PLXDC2: variants seen among roughly 807,000 people sequenced by gnomAD.
PLXDC2 encodes plexin domain-containing protein 2.
PLXDC2 carries 40 observed loss-of-function variants against 68.9 expected under a neutral mutation model. The ratio of observed to expected loss-of-function variants is 0.58; its 90% CI spans 0.45 to 0.76. The LOEUF (loss-of-function observed/expected upper bound fraction) is 0.76. Among genes scored for constraint, PLXDC2 ranks in the 30% least tolerant of loss-of-function variants. The pLI is 0.00. For synonymous variants in PLXDC2, 243 were observed against 234.2 expected, an observed-to-expected ratio of 1.04 and a Z score of -0.34; for missense variants, 644 against 661.9, an observed-to-expected ratio of 0.97 and a Z score of 0.30.
rs146298431 is a variant in PLXDC2 at position 20,227,819 on chromosome 10, C to A, written c.1312+8717C>A. Among the ~76,000 whole-genome samples, 1,070 of 152,054 alleles carry A rather than the reference C, an allele frequency of 7.0e-3. 3 individuals carry two copies. Among genetic ancestry groups the A allele is most frequent in the Non-Finnish European group, 0.011 (724 of 67,990 alleles). On this transcript the variant is annotated intron_variant, in intron 12 of 13. Coordinates refer to ENST00000377252, the MANE Select transcript of PLXDC2 (RefSeq NM_032812.9). ...GAGTAAGACTGAGAGGCCAGAAAAT[C>A]TAGTTAGGAGGTTATACTAGTAATC...
intron 1 of PLXDC2, among the ~76,000 whole-genome samples, chr10:19,952,910 C>T (rs1218393830): frequency 6.6e-6 from 1 of 151,198 alleles, no homozygotes; most frequent in East Asian, 1.9e-4. Context: ...TTTTTTTCTT[C>T]TTTTTTTTTG....
intron 2 of PLXDC2, among the ~76,000 whole-genome samples, chr10:20,014,013 T>C (rs4587636): frequency 0.11 from 16,196 of 152,236 alleles, 1,062 homozygotes; most frequent in Admixed American, 0.17. Flanking sequence ...TTTCTCATGT[T>C]ACCAATTGTA....
At chr10:19,822,899 G>A (rs1836496849) in intron 1 of PLXDC2, among the ~76,000 whole-genome samples, 1 of 151,802 alleles carries the variant, frequency 6.6e-6, no homozygotes, top group Admixed American at 6.6e-5. Context: ...TATACTGCTA[G>A]TTTCTTTCTG....
chr10:20,070,533 G>A (rs534568905), intron 4 of PLXDC2, among the ~76,000 whole-genome samples: 1 of 152,202 alleles, frequency 6.6e-6, no homozygotes, highest in Admixed American at 6.5e-5. Context: ...GATATATCCA[G>A]TATAGTGCCA....
chr10:20,054,473 G>A (rs1835960175), intron 3 of PLXDC2, among the ~76,000 whole-genome samples: 1 of 151,944 alleles, frequency 6.6e-6, no homozygotes, highest in Non-Finnish European at 1.5e-5. Context: ...TATAGGTATA[G>A]GATAGATGGA....
intron 1 of PLXDC2, among the ~76,000 whole-genome samples, chr10:19,854,340 G>A (rs1182354713): frequency 6.6e-6 from 1 of 152,158 alleles, no homozygotes; most frequent in African/African-American, 2.4e-5. Flanking sequence ...AACTATAGCA[G>A]ACAAAAGTCC....
chr10:20,261,858 T>C (rs373453537), intron 13 of PLXDC2, among the ~76,000 whole-genome samples: 8 of 26,904 alleles, frequency 3.0e-4, no homozygotes, highest in African/African-American at 6.5e-4. Flanking sequence ...CCATCTCAAA[T>C]AATAATAATA....
At chr10:19,896,853 T>C (rs2131364251) in intron 1 of PLXDC2, among the ~76,000 whole-genome samples, 1 of 152,306 alleles carries the variant, frequency 6.6e-6, no homozygotes, top group East Asian at 1.9e-4. Context: ...TCCTGAGCAT[T>C]TTGTTACATG....
intron 1 of PLXDC2, among the ~76,000 whole-genome samples, chr10:19,902,214 A>G (rs1239491919): frequency 6.6e-6 from 1 of 152,042 alleles, no homozygotes; most frequent in Non-Finnish European, 1.5e-5. Flanking sequence ...GAAAAATCAT[A>G]GCAGTATTTT....
intron 2 of PLXDC2, among the ~76,000 whole-genome samples, chr10:20,033,751 C>T: frequency 6.6e-6 from 1 of 152,120 alleles, no homozygotes; most frequent in Non-Finnish European, 1.5e-5. Context: ...TCCCATGACA[C>T]TTGGGAATTA....
In PLXDC2 at chr10:20,279,717, A is replaced by G. The variant is rs2119398535; in HGVS notation, c.1488A>G (p.Arg496=). ...SIFFIERRPS[R]WPAMKFRRGS... The stretch of plus-strand genomic sequence containing the variant: ...TTCTGTTTCAGAGACGCCCAAGCAG[A>G]TGGCCTGCGATGAAGTTTAGAAGAG... Residue 496 remains arginine, a synonymous_variant, in exon 14 of 14, where the codon AGA becomes AGG. Coordinates refer to ENST00000377252, the MANE Select transcript of PLXDC2 (RefSeq NM_032812.9). 1.2e-6 allele frequency: 2 copies of G among 1,613,910 alleles called. No individual in the cohort carries two copies. The highest frequency in any genetic ancestry group is 1.7e-6 in the Non-Finnish European group (2 of 1,179,860).
chr10:20,146,590 G>A (rs1203017676), intron 5 of PLXDC2, among the ~76,000 whole-genome samples: 1 of 129,618 alleles, frequency 7.7e-6, no homozygotes, highest in Non-Finnish European at 1.6e-5. Flanking sequence ...GAAGAGACCT[G>A]AGTGGTCTTC....
At chr10:20,248,664 G>T (rs749714720) in intron 13 of PLXDC2, among the ~76,000 whole-genome samples, 10 of 152,088 alleles carry the variant, frequency 6.6e-5, no homozygotes, top group African/African-American at 2.4e-4. Flanking sequence ...ATTTTTGGAG[G>T]TGATAATCAT....
At chr10:20,222,115 CTGGAA>C (rs1835220221) in intron 12 of PLXDC2, among the ~76,000 whole-genome samples, 1 of 152,052 alleles carries the variant, frequency 6.6e-6, no homozygotes, top group South Asian at 2.1e-4. Flanking sequence ...CTGTACTTTT[CTGGAA>C]AAAGGGTAAC....
chr10:20,105,536 T>G (rs1589631750), intron 4 of PLXDC2, among the ~76,000 whole-genome samples: 1 of 152,332 alleles, frequency 6.6e-6, no homozygotes, highest in Non-Finnish European at 1.5e-5. Flanking sequence ...AGTTCTTGTG[T>G]TCTCCAAGCA....
intron 3 of PLXDC2, among the ~76,000 whole-genome samples, chr10:20,055,102 C>T (rs146664361): frequency 6.6e-6 from 1 of 152,196 alleles, no homozygotes; most frequent in East Asian, 1.9e-4. Flanking sequence ...GTCTATCTCA[C>T]TCTATATCTG....
chr10:20,211,471 C>A (rs1835068564), intron 9 of PLXDC2, among the ~76,000 whole-genome samples, 198 bp from the exon 10 acceptor site: 1 of 152,106 alleles, frequency 6.6e-6, no homozygotes, highest in Non-Finnish European at 1.5e-5. Context: ...CAGTGACATC[C>A]TAAGGAATGA....
chr10:20,250,917 GTTA>G (rs1324370952), intron 13 of PLXDC2, among the ~76,000 whole-genome samples: 6 of 152,092 alleles, frequency 3.9e-5, no homozygotes, highest in African/African-American at 1.4e-4. Context: ...ATATACACCA[GTTA>G]TTATACATTT....
chr10:20,105,100 T>TCTGGGGAG (rs1413605940), intron 4 of PLXDC2, among the ~76,000 whole-genome samples: 1 of 148,554 alleles, frequency 6.7e-6, no homozygotes, highest in Admixed American at 6.7e-5. Context: ...GGTCCTGGAC[T>TCTGGGGAG]CTGGGGAGCA....
Sources: gnomAD v4.1 joint callset for allele counts (sites outside exome capture counted in the v4.1 genomes callset) on GRCh38, gnomAD v4.1.1 for gene constraint, MANE v1.5 for transcripts, NCBI Gene and HGNC (gene_info 2026-07-23, HGNC 2026-07-21) for gene names.